MGAT4C: variants seen among roughly 807,000 people sequenced by gnomAD.
MGAT4C encodes the protein MGAT4 family member C, also known as alpha-1,3-mannosyl-glycoprotein 4-beta-N-acetylglucosaminyltransferase C.
In MGAT4C, 19 loss-of-function variants were observed where a neutral mutation model predicts 40.1. The ratio of observed to expected loss-of-function variants is 0.47; its 90% CI spans 0.33 to 0.70. The LOEUF (loss-of-function observed/expected upper bound fraction) is 0.70. MGAT4C is among the 30% of genes least tolerant of loss of function. The pLI is 0.02. For synonymous variants in MGAT4C, 181 were observed against 187.1 expected (o/e 0.97, Z 0.27); for missense variants, 491 against 563.2 (o/e 0.87, Z 1.30).
At chr12:86,820,611 A>C (rs146964288) in intron 1 of MGAT4C, among the ~76,000 whole-genome samples, 1 of 150,932 alleles carries the variant, frequency 6.6e-6, no homozygotes, top group African/African-American at 2.4e-5. Context: ...ATTTTATAAA[A>C]GTTTTAATAT....
chr12:86,535,072 A>G (rs1224155967), intron 2 of MGAT4C, among the ~76,000 whole-genome samples: 3 of 152,120 alleles, frequency 2.0e-5, no homozygotes, highest in Non-Finnish European at 4.4e-5. Flanking sequence ...ACAACAAATG[A>G]AATACTGTGA....
chr12:86,466,207 T>TC (rs2136299723), intron 2 of MGAT4C, among the ~76,000 whole-genome samples: 1 of 37,384 alleles, frequency 2.7e-5, no homozygotes, highest in South Asian at 2.6e-3. Context: ...CAAGACTCCG[T>TC]CAAAAAAAAA....
intron 2 of MGAT4C, among the ~76,000 whole-genome samples, chr12:86,044,480 T>C (rs1892194156): frequency 6.6e-6 from 1 of 152,084 alleles, no homozygotes; most frequent in African/African-American, 2.4e-5. Flanking sequence ...AGGGGATGCA[T>C]GCACACACAT....
intron 2 of MGAT4C, among the ~76,000 whole-genome samples, chr12:86,699,067 T>C (rs1407813908): frequency 6.6e-6 from 1 of 152,154 alleles, no homozygotes; most frequent in African/African-American, 2.4e-5. Context: ...AATGTTAAAA[T>C]TCTAATCATT....
chr12:86,436,939 A>C (rs1957148247), intron 2 of MGAT4C, among the ~76,000 whole-genome samples: 1 of 151,778 alleles, frequency 6.6e-6, no homozygotes, highest in African/African-American at 2.4e-5. Flanking sequence ...GCTAAGTGAC[A>C]GGTTTTTTGT....
chr12:86,234,028 G>T (rs2136023370), intron 1 of MGAT4C, among the ~76,000 whole-genome samples: 1 of 152,054 alleles, frequency 6.6e-6, no homozygotes, highest in South Asian at 2.1e-4. Context: ...TTTATTTTAT[G>T]TTTTTCAAAT....
chr12:86,604,979 A>G (rs1961994234), intron 2 of MGAT4C, among the ~76,000 whole-genome samples: 1 of 152,078 alleles, frequency 6.6e-6, no homozygotes, highest in African/African-American at 2.4e-5. Flanking sequence ...CCTTTCAAAG[A>G]CCACAGAATA....
chr12:86,509,464 C>T (rs1958533529), intron 2 of MGAT4C, among the ~76,000 whole-genome samples: 1 of 152,112 alleles, frequency 6.6e-6, no homozygotes, highest in African/African-American at 2.4e-5. Context: ...CTTACTGTAA[C>T]CTTGTAGTAT....
chr12:86,180,765 C>A (rs2135865341), intron 1 of MGAT4C, among the ~76,000 whole-genome samples: 1 of 152,294 alleles, frequency 6.6e-6, no homozygotes, highest in East Asian at 1.9e-4. Context: ...TAGGAAATAA[C>A]TAGCTTGCTT....
chr12:86,828,882 A>T (rs1952861432), intron 1 of MGAT4C, among the ~76,000 whole-genome samples: 1 of 151,578 alleles, frequency 6.6e-6, no homozygotes, highest in South Asian at 2.1e-4. Flanking sequence ...GGACACGTGG[A>T]TTCTTTCTGG....
chr12:86,782,980 T>C (rs1418421460), intron 1 of MGAT4C, among the ~76,000 whole-genome samples: 1 of 152,206 alleles, frequency 6.6e-6, no homozygotes, highest in Non-Finnish European at 1.5e-5. Flanking sequence ...CAGACTAATA[T>C]AATTTATAAC....
chr12:86,020,779 T>C (rs547964574), intron 2 of MGAT4C, among the ~76,000 whole-genome samples: 3 of 152,194 alleles, frequency 2.0e-5, no homozygotes, highest in Non-Finnish European at 4.4e-5. Context: ...CAAAAGAAAC[T>C]ACCATCAGAG....
chr12:86,626,297 C>G (rs532938151), intron 2 of MGAT4C, among the ~76,000 whole-genome samples: 1 of 152,092 alleles, frequency 6.6e-6, no homozygotes, highest in African/African-American at 2.4e-5. Context: ...AACAAATGAC[C>G]TAATTCTCTT....
At chr12:86,709,227 G>A (rs1465553445) in intron 2 of MGAT4C, among the ~76,000 whole-genome samples, 2 of 152,100 alleles carry the variant, frequency 1.3e-5, no homozygotes, top group African/African-American at 4.8e-5. Context: ...GTTCTCTCCT[G>A]CCTGTTGCCA....
intron 2 of MGAT4C, among the ~76,000 whole-genome samples, chr12:86,628,902 C>A (rs1202092745): frequency 2.0e-5 from 3 of 152,084 alleles, no homozygotes; most frequent in Non-Finnish European, 4.4e-5. Context: ...AACATATTAA[C>A]CTTAAATGTA....
Position 86,732,636 on chromosome 12 carries a change from G to C in MGAT4C, c.-261-5395C>G, listed in dbSNP as rs112564406. On this transcript the variant is annotated intron_variant, in intron 1 of 7. Coordinates refer to the MGAT4C transcript ENST00000548651. Reference sequence around the variant, plus strand: ...GCCAAGACAGATCTGACAGGAGGTGGAGCTCAGGTGGTAATGCATTGATGG... The same window carrying C: ...GCCAAGACAGATCTGACAGGAGGTGCAGCTCAGGTGGTAATGCATTGATGG... Among the ~76,000 whole-genome samples the C allele has an allele frequency of 3.4e-3, 523 of 152,092 alleles. 2 individuals carry two copies. The highest frequency in any genetic ancestry group is 0.012 in the African/African-American group (501 of 41,502).
chr12:86,803,663 A>C (rs1952279301), intron 1 of MGAT4C, among the ~76,000 whole-genome samples: 1 of 150,892 alleles, frequency 6.6e-6, no homozygotes. Context: ...ACACATGAAA[A>C]AATGCTCATC....
intron 4 of MGAT4C, among the ~76,000 whole-genome samples, chr12:86,297,789 A>G (rs1466694550): frequency 6.6e-6 from 1 of 152,194 alleles, no homozygotes; most frequent in African/African-American, 2.4e-5. Flanking sequence ...CATCCTATCT[A>G]TTCAGACACA....
At chr12:86,388,190 T>G (rs547357351) in intron 3 of MGAT4C, among the ~76,000 whole-genome samples, 4 of 152,138 alleles carry the variant, frequency 2.6e-5, no homozygotes, top group African/African-American at 9.7e-5. Context: ...CAGGAAGATG[T>G]GAAGAAAATT....
Sources: allele counts gnomAD v4.1 joint callset (sites outside exome capture counted in the v4.1 genomes callset), GRCh38; gene constraint gnomAD v4.1.1; transcripts MANE v1.5; gene names NCBI Gene and HGNC (gene_info 2026-07-23, HGNC 2026-07-21).